The following GPC6 variants were observed in gnomAD, a reference collection of about 807,000 sequenced individuals.
GPC6 encodes the protein glypican 6.
GPC6 carries 14 observed loss-of-function variants against 55.2 expected under a neutral mutation model. The ratio of observed to expected loss-of-function variants is 0.25; its 90% CI spans 0.17 to 0.40. GPC6 has a LOEUF of 0.40. GPC6 is among the 10% of genes least tolerant of loss of function. The probability of loss-of-function intolerance (pLI) is 1.00; values close to 1 mark genes in which losing one functional copy is unlikely to be tolerated. For synonymous variants in GPC6, 278 were observed against 259.6 expected (o/e 1.07, Z -0.68); for missense variants, 641 against 708.5 (o/e 0.90, Z 1.08).
intron 2 of GPC6, among the ~76,000 whole-genome samples, chr13:93,566,054 A>G (rs1325275362): frequency 6.6e-6 from 1 of 152,204 alleles, no homozygotes; most frequent in African/African-American, 2.4e-5. Context: ...ACGTGGCCTT[A>G]TGGCTGAACT....
At chr13:93,730,039 G>A (rs1381159538) in intron 2 of GPC6, among the ~76,000 whole-genome samples, 8 of 152,136 alleles carry the variant, frequency 5.3e-5, no homozygotes, top group Admixed American at 5.2e-4. Flanking sequence ...GTAATATTCT[G>A]CTTCTTGCCC....
At chr13:93,979,420 G>A (rs1438753206) in intron 3 of GPC6, among the ~76,000 whole-genome samples, 2 of 151,338 alleles carry the variant, frequency 1.3e-5, no homozygotes, top group African/African-American at 4.9e-5. Flanking sequence ...GTGTAATAAA[G>A]GATTAGGGTC....
At chr13:93,534,916 C>T (rs1881998834) in intron 1 of GPC6, among the ~76,000 whole-genome samples, 2 of 152,148 alleles carry the variant, frequency 1.3e-5, no homozygotes, top group African/African-American at 4.8e-5. Flanking sequence ...GCATTCACTT[C>T]AAGTGCCCTA....
chr13:93,705,550 T>C (rs1249905398), intron 2 of GPC6, among the ~76,000 whole-genome samples: 1 of 151,882 alleles, frequency 6.6e-6, no homozygotes, highest in Non-Finnish European at 1.5e-5. Context: ...TTGGGAAGAC[T>C]AGATTCAAGG....
intron 6 of GPC6, among the ~76,000 whole-genome samples, chr13:94,376,943 AT>A (rs1460655975): frequency 4.3e-4 from 66 of 152,020 alleles, no homozygotes; most frequent in African/African-American, 1.5e-3. Flanking sequence ...AAAACAAGCA[AT>A]GGGGAAAGGA....
intron 4 of GPC6, among the ~76,000 whole-genome samples, chr13:94,283,865 G>C (rs9561531): frequency 0.51 from 77,908 of 151,990 alleles, 20,222 homozygotes; most frequent in African/African-American, 0.56. Flanking sequence ...ATAAGTGGCA[G>C]AGAGATAATT....
Position 94,093,205 on chromosome 13 carries a change from A to T in GPC6, c.877+65311A>T, listed in dbSNP as rs184553000. Among the ~76,000 whole-genome samples the T allele has an allele frequency of 6.1e-3, 929 of 151,964 alleles. 7 individuals carry two copies. The highest frequency in any genetic ancestry group is 0.017 in the South Asian group (82 of 4,816). On this transcript the variant is annotated intron_variant, in intron 4 of 8. Coordinates refer to ENST00000377047, the MANE Select transcript of GPC6 (RefSeq NM_005708.5). ...TCATTGCCAATATCAATGTCAAAAA[A>T]TTTTTTTCCTCTTTTTCCTTTTAAT... is the stretch of plus-strand genomic sequence containing the variant.
chr13:94,333,646 C>G (rs1877536702), intron 6 of GPC6, among the ~76,000 whole-genome samples: 2 of 152,174 alleles, frequency 1.3e-5, no homozygotes, highest in African/African-American at 4.8e-5. Flanking sequence ...TGCAATAACC[C>G]TAAGAGTAGG....
intron 1 of GPC6, among the ~76,000 whole-genome samples, chr13:93,263,532 T>C (rs1407516176): frequency 1.3e-5 from 2 of 152,078 alleles, no homozygotes; most frequent in Non-Finnish European, 2.9e-5. Flanking sequence ...TCCCGGGTAA[T>C]TTTTGCATTT....
intron 6 of GPC6, among the ~76,000 whole-genome samples, chr13:94,359,323 G>T (rs967874795): frequency 6.6e-6 from 1 of 152,164 alleles, no homozygotes; most frequent in African/African-American, 2.4e-5. Context: ...GAATAATAAA[G>T]AGCATGAAGC....
intron 3 of GPC6, among the ~76,000 whole-genome samples, chr13:93,892,865 A>G (rs1433412469): frequency 3.3e-5 from 5 of 152,104 alleles, no homozygotes; most frequent in Non-Finnish European, 7.4e-5. Context: ...CCTCCCCAGC[A>G]CTCTCATAAT....
chr13:93,312,312 C>A (rs761570313), intron 1 of GPC6, among the ~76,000 whole-genome samples: 1 of 152,080 alleles, frequency 6.6e-6, no homozygotes, highest in Non-Finnish European at 1.5e-5. Flanking sequence ...ACACTTATGT[C>A]CTGTGTATAT....
At chr13:94,388,756 C>T (rs963632094) in intron 7 of GPC6, among the ~76,000 whole-genome samples, 3 of 152,148 alleles carry the variant, frequency 2.0e-5, no homozygotes, top group Admixed American at 1.3e-4. Flanking sequence ...GACAGAGAGT[C>T]CTGGTTCCTT....
chr13:93,839,062 A>C (rs1887852206), intron 3 of GPC6, among the ~76,000 whole-genome samples: 2 of 152,172 alleles, frequency 1.3e-5, no homozygotes, highest in African/African-American at 4.8e-5. Context: ...AGAATTCAAG[A>C]AATAGACTAA....
chr13:93,545,134 A>G (rs756101108), intron 1 of GPC6, 129 bp from the exon 2 acceptor site: 1 of 777,700 alleles, frequency 1.3e-6, no homozygotes, highest in South Asian at 1.4e-5. Context: ...GATAGAGTTC[A>G]TGGGGATGGC....
chr13:93,534,873 C>A (rs1233661745), intron 1 of GPC6, among the ~76,000 whole-genome samples: 1 of 152,092 alleles, frequency 6.6e-6, no homozygotes, highest in Non-Finnish European at 1.5e-5. Context: ...GTGAAGAGCT[C>A]TGTAAAAAGG....
intron 1 of GPC6, among the ~76,000 whole-genome samples, chr13:93,440,160 T>C (rs1877733827): frequency 6.6e-6 from 1 of 152,172 alleles, no homozygotes; most frequent in East Asian, 1.9e-4. Flanking sequence ...GCCAAGAGTA[T>C]CATATAAAAA....
chr13:93,500,569 A>G (rs958330445), intron 1 of GPC6, among the ~76,000 whole-genome samples: 5 of 152,138 alleles, frequency 3.3e-5, no homozygotes, highest in Admixed American at 6.6e-5. Context: ...ACATATATCT[A>G]TTTTACATCC....
At chr13:94,375,600 G>A (rs1194903365) in intron 6 of GPC6, among the ~76,000 whole-genome samples, 1 of 151,000 alleles carries the variant, frequency 6.6e-6, no homozygotes, top group Non-Finnish European at 1.5e-5. Flanking sequence ...TGGATTCACA[G>A]CCGAATTCTA....
Sources: gnomAD v4.1 joint callset for allele counts (sites outside exome capture counted in the v4.1 genomes callset) on GRCh38, gnomAD v4.1.1 for gene constraint, MANE v1.5 for transcripts, NCBI Gene and HGNC (gene_info 2026-07-23, HGNC 2026-07-21) for gene names.